Variants in CACNA1C observed in about 807,000 individuals in gnomAD.
CACNA1C encodes calcium voltage-gated channel subunit alpha1 C, also known as voltage-dependent L-type calcium channel subunit alpha-1C.
A neutral mutation model predicts 229.0 loss-of-function variants in CACNA1C; 30 were observed. That is an observed-to-expected ratio of 0.13 (90% CI 0.10 to 0.18). The LOEUF (loss-of-function observed/expected upper bound fraction) is 0.18, where lower values mean the gene tolerates loss of function less well. Among genes scored for constraint, CACNA1C ranks in the 10% least tolerant of loss-of-function variants. The pLI is 1.00. For missense variants in CACNA1C, 1,658 were observed against 2,845.0 expected (o/e 0.58, Z 9.49); for synonymous variants, 1,114 against 1,132.5 (o/e 0.98, Z 0.33).
At chr12:2,563,902 G>C (rs911100805) in intron 11 of CACNA1C, among the ~76,000 whole-genome samples, 4 of 152,224 alleles carry the variant, frequency 2.6e-5, no homozygotes, top group Non-Finnish European at 5.9e-5. Flanking sequence ...ATGCCCGGGG[G>C]CTAGGAAGGA....
rs116942590 is a variant in CACNA1C at position 2,577,671 on chromosome 12, C to T, written c.1896-3919C>T. Among the ~76,000 whole-genome samples the T allele has an allele frequency of 9.8e-5, 15 of 152,364 alleles. 1 individual carries two copies. The East Asian group carries it at 2.9e-3, about 29-fold the overall frequency. On this transcript the variant is annotated intron_variant, in intron 13 of 46. Transcript: ENST00000399655. ...CCCATGCACCTCCATGGCCCCTTGC[C>T]TTTCCCTCCAGGAAGTACCAATGTG...
In CACNA1C at chr12:2,437,828, GTGGTGGTAATGA is replaced by G. The variant is rs1204131257; in HGVS notation, c.478-11140_478-11129del. Among the ~76,000 whole-genome samples, 918 of 147,740 alleles carry G rather than the reference GTGGTGGTAATGA, an allele frequency of 6.2e-3. 8 individuals carry two copies. The highest frequency in any genetic ancestry group is 0.047 in the Middle Eastern group (13 of 276). ...GGTGATGATGGTGGTGGTGGTAATG[GTGGTGGTAATGA>G]TGGTGGTGATGATGGTGGTGATGGT... On this transcript the variant is annotated intron_variant, in intron 3 of 46. Transcript: ENST00000399655.
chr12:2,356,098 C>T (rs1319275049), intron 3 of CACNA1C, among the ~76,000 whole-genome samples: 1 of 152,180 alleles, frequency 6.6e-6, no homozygotes, highest in Non-Finnish European at 1.5e-5. Flanking sequence ...CCTAAGCTGC[C>T]CTGCAGATCG....
chr12:2,449,724 G>A (rs2099342029), intron 4 of CACNA1C, among the ~76,000 whole-genome samples: 1 of 152,246 alleles, frequency 6.6e-6, no homozygotes, highest in African/African-American at 2.4e-5. Flanking sequence ...GCTGCTCTGT[G>A]CTGCTGTAGG....
At chr12:2,264,963 C>T (rs1326791961) in intron 3 of CACNA1C, among the ~76,000 whole-genome samples, 4 of 152,314 alleles carry the variant, frequency 2.6e-5, no homozygotes, top group Middle Eastern at 3.4e-3. Flanking sequence ...CTGTCCTTCC[C>T]GTTGTCTGAG....
chr12:2,046,489 A>G (rs1566025342), intron 1 of CACNA1C, among the ~76,000 whole-genome samples: 1 of 152,130 alleles, frequency 6.6e-6, no homozygotes, highest in African/African-American at 2.4e-5. Flanking sequence ...ATTAGCATGC[A>G]CCACTGGCTT....
chr12:2,672,899 G>A (rs2096627102), intron 38 of CACNA1C, among the ~76,000 whole-genome samples: 1 of 152,198 alleles, frequency 6.6e-6, no homozygotes, highest in Non-Finnish European at 1.5e-5. Context: ...CTCCCGTGAT[G>A]GGGACTGATC....
At chr12:2,618,015 T>C (rs1024165632) in intron 29 of CACNA1C, among the ~76,000 whole-genome samples, 1 of 152,222 alleles carries the variant, frequency 6.6e-6, no homozygotes, top group Non-Finnish European at 1.5e-5. Flanking sequence ...TCCAGCCAGC[T>C]TGGGGTTCTC....
intron 1 of CACNA1C, among the ~76,000 whole-genome samples, chr12:2,076,244 C>T (rs1288583156): frequency 1.3e-5 from 2 of 152,174 alleles, no homozygotes; most frequent in Non-Finnish European, 2.9e-5. Context: ...CTCTGCAACC[C>T]ACCCGCAGAC....
intron 3 of CACNA1C, among the ~76,000 whole-genome samples, chr12:2,165,415 T>C (rs2096162490): frequency 6.6e-6 from 1 of 152,368 alleles, no homozygotes; most frequent in East Asian, 1.9e-4. Context: ...TTTAAGTAAC[T>C]GAAGCCTTCT....
intron 18 of CACNA1C, among the ~76,000 whole-genome samples, chr12:2,586,187 C>A (rs2062367633): frequency 1.3e-5 from 2 of 152,102 alleles, no homozygotes; most frequent in Non-Finnish European, 1.5e-5. Context: ...TGTTACATTA[C>A]ATGTTGTAAA....
chr12:2,136,716 G>A (rs1174563788), intron 3 of CACNA1C, among the ~76,000 whole-genome samples: 1 of 151,190 alleles, frequency 6.6e-6, no homozygotes, highest in African/African-American at 2.4e-5. Context: ...ATAAGGGGTA[G>A]GCAAAGGGGA....
chr12:2,579,062 G>GGGGC (rs1256553665), intron 13 of CACNA1C, among the ~76,000 whole-genome samples: 1 of 152,054 alleles, frequency 6.6e-6, no homozygotes, highest in Non-Finnish European at 1.5e-5. Flanking sequence ...ATCCCTCTCT[G>GGGGC]CTCCTCATCT....
intron 3 of CACNA1C, chr12:2,217,430 ATTTT>A (rs2060258897): frequency 1.3e-5 from 2 of 152,224 alleles, no homozygotes; most frequent in South Asian, 4.1e-4. Context: ...ACATGTATAT[ATTTT>A]ACCACAACCT....
In CACNA1C at chr12:2,651,613, G is replaced by A. The variant is rs761708781; in HGVS notation, c.3946-27G>A. The A allele has an allele frequency of 6.2e-7, 1 of 1,613,886 alleles. No individual in the cohort carries two copies. The highest frequency in any genetic ancestry group is 1.7e-5 in the Admixed American group (1 of 60,028). On this transcript the variant is annotated intron_variant, in intron 31 of 46. Coordinates refer to ENST00000399655, the MANE Select transcript of CACNA1C (RefSeq NM_000719.7). This position sits in a 1 kb window ranked among gnomAD's most constrained non-coding sequence, Gnocchi z 5.4. Reference sequence around the variant, plus strand: ...TCACCCCCCTCTTGCTGTGCTAACTGCACCTCCTGTTGCCGACGGGTTCCA... The same window carrying A: ...TCACCCCCCTCTTGCTGTGCTAACTACACCTCCTGTTGCCGACGGGTTCCA...
intron 1 of CACNA1C, among the ~76,000 whole-genome samples, chr12:2,072,974 G>A (rs149451670): frequency 8.5e-5 from 13 of 152,244 alleles, no homozygotes; most frequent in African/African-American, 2.9e-4. Context: ...TGATAGATAC[G>A]TTGATGAATA....
intron 1 of CACNA1C, among the ~76,000 whole-genome samples, chr12:2,068,197 C>A (rs977445508): frequency 6.6e-6 from 1 of 152,150 alleles, no homozygotes; most frequent in African/African-American, 2.4e-5. Context: ...CAGTAACACT[C>A]CTTGAATGCC....
intron 3 of CACNA1C, among the ~76,000 whole-genome samples, chr12:2,263,069 G>A (rs373947607): frequency 2.0e-5 from 3 of 152,210 alleles, no homozygotes; most frequent in South Asian, 2.1e-4. Context: ...TTCAGGGTGG[G>A]GTTATAGCTT....
At position 2,262,636 on chromosome 12, in the gene CACNA1C, G is replaced by A. The variant is rs552514476; in HGVS notation, c.477+142206G>A. Among the ~76,000 whole-genome samples, 3 of 152,334 alleles carry A rather than the reference G, an allele frequency of 2.0e-5. No individual in the cohort carries two copies. The East Asian group carries it at 5.8e-4, about 29-fold the overall frequency. ...TGTGATGCTGTGGCTGGTGGTGCAG[G>A]AGGCCAGGAGGCATCCAGGAGCCAG... On this transcript the variant is annotated intron_variant, in intron 3 of 46. Transcript: ENST00000399655.
Sources: allele counts gnomAD v4.1 joint callset (sites outside exome capture counted in the v4.1 genomes callset), GRCh38; gene constraint gnomAD v4.1.1; non-coding constraint Gnocchi (gnomAD v3.1); transcripts MANE v1.5; gene names NCBI Gene and HGNC (gene_info 2026-07-23, HGNC 2026-07-21).